Variants in MYO10 observed in about 807,000 individuals in gnomAD.
The protein encoded by MYO10 is myosin X.
A neutral mutation model predicts 257.3 loss-of-function variants in MYO10; 133 were observed. The ratio of observed to expected loss-of-function variants is 0.52; its 90% CI spans 0.45 to 0.60. The LOEUF (loss-of-function observed/expected upper bound fraction) is 0.60, where lower values mean the gene tolerates loss of function less well. Ranked by LOEUF, MYO10 falls within the 20% of genes least tolerant of loss-of-function variation. The pLI, the probability that MYO10 is intolerant of heterozygous loss-of-function variation, is 0.00. For missense variants in MYO10, 2,399 were observed against 2,635.7 expected, an observed-to-expected ratio of 0.91 and a Z score of 1.97; for synonymous variants, 1,104 against 1,028.6, an observed-to-expected ratio of 1.07 and a Z score of -1.40.
chr5:16,818,398 G>GTATATA (rs1189413374), intron 2 of MYO10, among the ~76,000 whole-genome samples: 30 of 107,810 alleles, frequency 2.8e-4, no homozygotes, highest in Non-Finnish European at 7.8e-5. Context: ...GTGTGTGTGT[G>GTATATA]TGTGTGTGTG....
Position 16,668,334 on chromosome 5 carries a change from C to A in MYO10, c.6018G>T (p.Leu2006=). The A allele has an allele frequency of 6.2e-7, 1 of 1,613,998 alleles. No individual in the cohort carries two copies. The highest frequency in any genetic ancestry group is 1.1e-5 in the South Asian group (1 of 91,086). The change falls in exon 40 of 41, where the codon CTG becomes CTT. Residue 2006 remains leucine, a synonymous_variant. Transcript: ENST00000513610. ...CGACCACGATCTTATACGTATTCGC[C>A]AGGGGTGCCCCAAAAGAGAGGATGT... The part of the protein sequence containing the change: ...YEHILSFGAP[L]ANTYKIVVDE...
At chr5:16,919,705 A>G (rs1745927269) in intron 1 of MYO10, among the ~76,000 whole-genome samples, 2 of 152,188 alleles carry the variant, frequency 1.3e-5, no homozygotes, top group South Asian at 2.1e-4. Context: ...GGCCGGGCGC[A>G]GTGGTTCACG....
rs755676792 is a variant in MYO10 at position 16,766,099 on chromosome 5, G to A, written c.1160C>T (p.Thr387Met). 8.1e-6 allele frequency: 13 copies of A among 1,611,602 alleles called. No individual in the cohort carries two copies. Among genetic ancestry groups the A allele is most frequent in the South Asian group, 4.4e-5 (4 of 91,022 alleles). Residue 387 changes from threonine (T) to methionine (M), a missense_variant, in exon 11 of 41, where the codon ACG becomes ATG. This residue lies in a region of MYO10 where 337 missense variants were observed against 446.8 expected (regional missense o/e 0.75). Coordinates refer to ENST00000513610, the MANE Select transcript of MYO10 (RefSeq NM_012334.3). ...SMFLRGEEILTPLNVQQAVDS... is the reference protein window; with the variant it reads ...SMFLRGEEILMPLNVQQAVDS... ...GTGTACCTGTTGAACATTGAGAGGC[G>A]TGAGGATCTCTTCTCCCCTGAGGAA...
At chr5:16,880,455 T>C (rs1744727018) in intron 1 of MYO10, among the ~76,000 whole-genome samples, 1 of 151,786 alleles carries the variant, frequency 6.6e-6, no homozygotes, top group African/African-American at 2.4e-5. Flanking sequence ...ACCTTATCTA[T>C]AAGAGGCCCT....
chr5:16,690,971 AAG>A lies in MYO10; in HGVS notation c.3801-1054_3801-1053del, dbSNP rs544104133. The stretch of plus-strand genomic sequence containing the variant: ...TAAAGCCAGCTTGCTCTGATAACTA[AAG>A]AAGTGCAAATGTTCGGCCGGGCGTG... On this transcript the variant is annotated intron_variant, in intron 27 of 40. Coordinates refer to ENST00000513610, the MANE Select transcript of MYO10 (RefSeq NM_012334.3). 9.6e-3 allele frequency among the ~76,000 whole-genome samples: 1,464 copies of A among 152,164 alleles called. 17 individuals carry two copies. Among genetic ancestry groups the A allele is most frequent in the African/African-American group, 0.032 (1,329 of 41,528 alleles).
chr5:16,919,238 C>T (rs1422797289), intron 1 of MYO10, among the ~76,000 whole-genome samples: 2 of 151,854 alleles, frequency 1.3e-5, no homozygotes, highest in Non-Finnish European at 2.9e-5. Context: ...ATTAGCTGGT[C>T]GTGGTGGCAG....
At chr5:16,854,811 T>A (rs1743913168) in intron 2 of MYO10, among the ~76,000 whole-genome samples, 1 of 151,974 alleles carries the variant, frequency 6.6e-6, no homozygotes, top group African/African-American at 2.4e-5. Flanking sequence ...GCAGGTAGAC[T>A]CCCTGAGGTC....
intron 9 of MYO10, among the ~76,000 whole-genome samples, chr5:16,770,155 C>T (rs1363215397): frequency 6.6e-6 from 1 of 152,042 alleles, no homozygotes; most frequent in African/African-American, 2.4e-5. Context: ...TCGCATGAAC[C>T]CAGGAGTTCA....
chr5:16,871,856 G>A (rs367892696), intron 2 of MYO10, among the ~76,000 whole-genome samples: 2 of 152,066 alleles, frequency 1.3e-5, no homozygotes, highest in South Asian at 2.1e-4. Flanking sequence ...TCATAACCCC[G>A]CAATTCCTAC....
rs775212445 is a variant in MYO10 at position 16,701,107 on chromosome 5, A to G, written c.3288T>C (p.Tyr1096=). Residue 1096 remains tyrosine (Y), a synonymous_variant, in exon 25 of 41, where the codon TAT becomes TAC. Transcript: ENST00000513610. The surrounding 1 kb of genome is among the most constrained non-coding windows in gnomAD (Gnocchi z 8.1). ...DGDYDYDQDD[Y]EDGAITSGSS... is the part of the protein sequence containing the mutation. ...TGCCGGAAGTGATGGCACCGTCCTCATAGTCATCCTGGTCGTAGTCGTAGT... is the reference window on the plus strand; with the variant it reads ...TGCCGGAAGTGATGGCACCGTCCTCGTAGTCATCCTGGTCGTAGTCGTAGT... The G allele has an allele frequency of 4.0e-5, 64 of 1,590,924 alleles. 2 individuals are homozygous for G. The South Asian group carries it at 7.3e-4, about 18-fold the overall frequency.
At chr5:16,818,388 GTGTGTGTGTGTGTGTGTGTGTGTA>G (rs979554707) in intron 2 of MYO10, among the ~76,000 whole-genome samples, 3 of 29,596 alleles carry the variant, frequency 1.0e-4, no homozygotes, top group Non-Finnish European at 2.4e-4. Flanking sequence ...GTGCGTGTGT[GTGTGTGTGTGTGTGTGTGTGTGTA>G]TATATATATA....
rs1267980827 is a variant in MYO10 at position 16,663,776 on chromosome 5, G to C, written c.*2916C>G. ...TTATGCAGCATTTATGTTGTGCTAGGTATCTGTAACCTGGAGATGATTTAA... is the reference window on the plus strand; with the variant it reads ...TTATGCAGCATTTATGTTGTGCTAGCTATCTGTAACCTGGAGATGATTTAA... On this transcript the variant is annotated 3_prime_UTR_variant, in exon 41 of 41. Transcript: ENST00000513610. 1.3e-5 allele frequency: 2 copies of C among 151,838 alleles called. No homozygotes were observed. Among genetic ancestry groups the C allele is most frequent in the African/African-American group, 4.8e-5 (2 of 41,330 alleles). 9.4% of individuals were successfully genotyped at this position (151,838 alleles called of 1,614,324 possible).
chr5:16,767,642 T>C (rs1001680316), intron 10 of MYO10, among the ~76,000 whole-genome samples: 5 of 152,182 alleles, frequency 3.3e-5, no homozygotes, highest in Non-Finnish European at 7.3e-5. Context: ...TAATAAAGAA[T>C]ATTTTTTAAA....
intron 3 of MYO10, among the ~76,000 whole-genome samples, chr5:16,804,257 C>G (rs573841132): frequency 6.6e-6 from 1 of 152,324 alleles, no homozygotes; most frequent in African/African-American, 2.4e-5. Flanking sequence ...TCTGTGCTGT[C>G]CTGGTCTGCT....
chr5:16,738,245 G>A (rs1023427299), intron 19 of MYO10: 63 of 985,294 alleles, frequency 6.4e-5, no homozygotes, highest in Non-Finnish European at 7.2e-5. Context: ...CCAGTCAAGA[G>A]GAGGAGGGGT....
intron 1 of MYO10, among the ~76,000 whole-genome samples, chr5:16,899,736 G>A (rs1440385641): frequency 6.6e-6 from 1 of 151,982 alleles, no homozygotes; most frequent in South Asian, 2.1e-4. Flanking sequence ...AGTGGCTCTC[G>A]CCTGTAATCC....
chr5:16,895,872 C>T (rs1745204001), intron 1 of MYO10, among the ~76,000 whole-genome samples: 1 of 151,962 alleles, frequency 6.6e-6, no homozygotes, highest in South Asian at 2.1e-4. Flanking sequence ...ACTTGCAAAA[C>T]CCCCAGTGGT....
chr5:16,926,615 T>C (rs533260853), intron 1 of MYO10, among the ~76,000 whole-genome samples: 35 of 152,022 alleles, frequency 2.3e-4, no homozygotes, highest in African/African-American at 7.5e-4. Context: ...GGCAGAAGGA[T>C]TGCTTGAACT....
In MYO10 at chr5:16,746,204, C is replaced by T. The variant is rs146268667; in HGVS notation, c.1929+8624G>A. 4.4e-3 allele frequency among the ~76,000 whole-genome samples: 666 copies of T among 152,272 alleles called. 8 individuals are homozygous for T. The highest frequency in any genetic ancestry group is 0.015 in the African/African-American group (644 of 41,550). ...CTGCCGTGGCATTTGTAAACTGTCACGGTGCTGATGCGAGTGTCACAGTGA... is the reference window on the plus strand; with the variant it reads ...CTGCCGTGGCATTTGTAAACTGTCATGGTGCTGATGCGAGTGTCACAGTGA... On this transcript the variant is annotated intron_variant, in intron 19 of 40. Transcript: ENST00000513610.
Sources: gnomAD v4.1 joint callset for allele counts (sites outside exome capture counted in the v4.1 genomes callset) on GRCh38, gnomAD v4.1.1 for gene constraint, gnomAD v4.1.1 regional missense constraint, Gnocchi (gnomAD v3.1) non-coding constraint, MANE v1.5 for transcripts, NCBI Gene and HGNC (gene_info 2026-07-23, HGNC 2026-07-21) for gene names.